The following GNG12 variants were observed in gnomAD, a reference collection of about 807,000 sequenced individuals.
GNG12 encodes the protein guanine nucleotide-binding protein G(I)/G(S)/G(O) subunit gamma-12.
For missense variants in GNG12, 69 were observed against 83.8 expected (o/e 0.82, Z 0.69); for synonymous variants, 28 against 29.7 (o/e 0.94, Z 0.19).
At chr1:67,816,944 T>C (rs1646956768) in intron 1 of GNG12, among the ~76,000 whole-genome samples, 1 of 152,250 alleles carries the variant, frequency 6.6e-6, no homozygotes. Context: ...AATGTTTGAC[T>C]AGACTCCTCA....
intron 2 of GNG12, among the ~76,000 whole-genome samples, chr1:67,769,202 C>T (rs1453830148): frequency 2.6e-5 from 4 of 152,194 alleles, no homozygotes; most frequent in Admixed American, 2.6e-4. Flanking sequence ...GCATGTGTCA[C>T]TTGCTCATTT....
At chr1:67,737,610 CTT>C (rs35643307) in intron 2 of GNG12, among the ~76,000 whole-genome samples, 1,762 of 146,474 alleles carry the variant, frequency 0.012, 39 homozygotes, top group African/African-American at 0.041. Context: ...TGAAGACTTT[CTT>C]TTTTTTTTTT....
At chr1:67,821,983 C>A (rs1277060833) in intron 1 of GNG12, among the ~76,000 whole-genome samples, 1 of 150,016 alleles carries the variant, frequency 6.7e-6, no homozygotes, top group Non-Finnish European at 1.5e-5. Flanking sequence ...GGTGTCCAAT[C>A]TTTTGGCTTC....
intron 1 of GNG12, among the ~76,000 whole-genome samples, chr1:67,791,054 T>C (rs1463334627): frequency 2.6e-5 from 4 of 152,226 alleles, no homozygotes. Context: ...GAAATGTTCA[T>C]AGTGGCTCAG....
chr1:67,767,340 T>A (rs1570529660), intron 2 of GNG12, among the ~76,000 whole-genome samples: 1 of 152,154 alleles, frequency 6.6e-6, no homozygotes, highest in East Asian at 1.9e-4. Context: ...TCCTCCCGCT[T>A]AGGACTGTCC....
At chr1:67,796,815 T>A (rs1186061991) in intron 1 of GNG12, among the ~76,000 whole-genome samples, 2 of 152,190 alleles carry the variant, frequency 1.3e-5, no homozygotes, top group African/African-American at 2.4e-5. Context: ...AGAGGTTTAT[T>A]GGGCTCACAG....
intron 2 of GNG12, among the ~76,000 whole-genome samples, chr1:67,766,521 G>GA (rs1306199773): frequency 6.6e-6 from 1 of 152,118 alleles, no homozygotes; most frequent in African/African-American, 2.4e-5. Flanking sequence ...CAACCCTGAA[G>GA]GCCGGCCAGC....
chr1:67,790,224 G>T (rs1460286692), intron 1 of GNG12, among the ~76,000 whole-genome samples: 1 of 152,076 alleles, frequency 6.6e-6, no homozygotes, highest in East Asian at 1.9e-4. Flanking sequence ...CCTGGGTAAA[G>T]CCACCTTTGC....
chr1:67,708,368 A>G (rs773080402), intron 2 of GNG12, among the ~76,000 whole-genome samples: 53 of 152,252 alleles, frequency 3.5e-4, no homozygotes, highest in Non-Finnish European at 6.0e-4. Flanking sequence ...CAGGTGGGAT[A>G]TATGAGTAGC....
intron 2 of GNG12, among the ~76,000 whole-genome samples, chr1:67,748,652 T>A (rs559684680): frequency 6.6e-6 from 1 of 152,316 alleles, no homozygotes; most frequent in African/African-American, 2.4e-5. Flanking sequence ...GGTGATTTCA[T>A]CTAGTCCCTA....
intron 2 of GNG12, among the ~76,000 whole-genome samples, chr1:67,775,963 A>G (rs1646702753): frequency 6.6e-6 from 1 of 152,182 alleles, no homozygotes; most frequent in Non-Finnish European, 1.5e-5. Flanking sequence ...CTTGAACAAG[A>G]GAGAATGGGG....
chr1:67,707,133 T>C (rs1390842200), intron 3 of GNG12, among the ~76,000 whole-genome samples: 2 of 152,178 alleles, frequency 1.3e-5, no homozygotes, highest in African/African-American at 2.4e-5. Context: ...GCACAGAAAG[T>C]GGTCACTGAG....
intron 1 of GNG12, among the ~76,000 whole-genome samples, chr1:67,812,136 T>G (rs984098905): frequency 2.4e-4 from 36 of 152,208 alleles, no homozygotes; most frequent in Non-Finnish European, 4.3e-4. Context: ...ATCAGTCATC[T>G]TTCATTAGTA....
At chr1:67,710,434 T>A (rs1366596970) in intron 2 of GNG12, among the ~76,000 whole-genome samples, 1 of 151,004 alleles carries the variant, frequency 6.6e-6, no homozygotes, top group Admixed American at 6.6e-5. Context: ...TTCTTCCCAA[T>A]CTCCAGGGCA....
intron 2 of GNG12, among the ~76,000 whole-genome samples, chr1:67,731,481 G>A (rs1168156388): frequency 5.3e-5 from 8 of 152,212 alleles, no homozygotes; most frequent in Admixed American, 1.3e-4. Flanking sequence ...CAGGCTTCAC[G>A]GAGGAGGTGG....
At chr1:67,716,649 C>T (rs1646327403) in intron 2 of GNG12, among the ~76,000 whole-genome samples, 1 of 152,142 alleles carries the variant, frequency 6.6e-6, no homozygotes, top group African/African-American at 2.4e-5. Context: ...TGCCTCTGAA[C>T]AGCAAGAATA....
chr1:67,755,830 C>G (rs1488351844), intron 2 of GNG12, among the ~76,000 whole-genome samples: 2 of 152,086 alleles, frequency 1.3e-5, no homozygotes, highest in Non-Finnish European at 2.9e-5. Context: ...ACAGTAATTA[C>G]CGACAAATAG....
In GNG12 at chr1:67,707,583, G is replaced by T. The variant is rs1646257216; in HGVS notation, c.93+11C>A. ...GCAGAAAGCATATGTTATCCAGTCG[G>T]GGCTTCTTACCTTTATTCTTTCAAT... On this transcript the variant is annotated intron_variant, in intron 3 of 3. Transcript: ENST00000370982. 1 of 1,399,092 alleles carries T rather than the reference G, an allele frequency of 7.1e-7. No individual in the cohort carries two copies. Among genetic ancestry groups the T allele is most frequent in the Non-Finnish European group, 1.0e-6 (1 of 990,038 alleles). The allele number at this position is 1,399,092 out of a possible 1,614,324, so 86.7% of individuals were successfully genotyped here.
chr1:67,821,240 T>C (rs1446609202), intron 1 of GNG12, among the ~76,000 whole-genome samples: 1 of 152,168 alleles, frequency 6.6e-6, no homozygotes, highest in Admixed American at 6.5e-5. Context: ...CCTTAATATA[T>C]GGAGAGTACC....
Sources: gnomAD v4.1 joint callset for allele counts (sites outside exome capture counted in the v4.1 genomes callset) on GRCh38, gnomAD v4.1.1 for gene constraint, MANE v1.5 for transcripts, NCBI Gene and HGNC (gene_info 2026-07-23, HGNC 2026-07-21) for gene names.